The following IQCK variants were observed in gnomAD, a reference collection of about 807,000 sequenced individuals.
IQCK encodes IQ domain-containing protein K.
Under a neutral mutation model 28.1 loss-of-function variants are expected in IQCK, and 29 were observed. The ratio of observed to expected loss-of-function variants is 1.03; its 90% CI spans 0.77 to 1.41. IQCK has a LOEUF of 1.41. Among genes scored for constraint, IQCK ranks in the 40% most tolerant of loss-of-function variants. The pLI, the probability that IQCK is intolerant of heterozygous loss-of-function variation, is 0.00. For synonymous variants in IQCK, 113 were observed against 115.1 expected, an observed-to-expected ratio of 0.98 and a Z score of 0.12; for missense variants, 359 against 314.7, an observed-to-expected ratio of 1.14 and a Z score of -1.07.
chr16:19,761,255 G>A (rs2055137036), intron 4 of IQCK: 15 of 396,730 alleles, frequency 3.8e-5, no homozygotes, highest in South Asian at 2.8e-4. Context: ...TTCCGAAGGG[G>A]TTATACTTCA....
chr16:19,853,446 C>T (rs548546423), intron 9 of IQCK, among the ~76,000 whole-genome samples: 111 of 152,272 alleles, frequency 7.3e-4, no homozygotes, highest in Non-Finnish European at 1.2e-3. Flanking sequence ...GAGTAGGCAA[C>T]AAGGTTGTCA....
At chr16:19,851,448 T>C (rs1310222142) in intron 9 of IQCK, among the ~76,000 whole-genome samples, 1 of 152,180 alleles carries the variant, frequency 6.6e-6, no homozygotes. Context: ...CCAAATTTCC[T>C]GTCTTGAGCT....
At chr16:19,779,767 G>C (rs2055450125) in intron 6 of IQCK, among the ~76,000 whole-genome samples, 1 of 150,746 alleles carries the variant, frequency 6.6e-6, no homozygotes, top group South Asian at 2.1e-4. Context: ...GCCCAGGCTG[G>C]AGTGCAGTGG....
chr16:19,766,346 A>C (rs1261287891), intron 6 of IQCK, among the ~76,000 whole-genome samples: 1 of 152,210 alleles, frequency 6.6e-6, no homozygotes, highest in Non-Finnish European at 1.5e-5. Context: ...ACAAAGCATT[A>C]AAGGGAAGTG....
intron 7 of IQCK, among the ~76,000 whole-genome samples, chr16:19,824,480 G>C (rs141730678): frequency 6.6e-6 from 1 of 152,168 alleles, no homozygotes; most frequent in Admixed American, 6.6e-5. Flanking sequence ...GCCATGGACC[G>C]GTACCAGCAT....
Position 19,775,296 on chromosome 16 carries a change from C to T in IQCK, c.605+11184C>T, listed in dbSNP as rs181986343. On this transcript the variant is annotated intron_variant, in intron 6 of 7. Coordinates refer to ENST00000564186, the Ensembl canonical transcript of IQCK. The stretch of plus-strand genomic sequence containing the variant: ...TCTTGCCACTTTACTCTAGAGGTAA[C>T]GCATAAAATAGGACACATGACTCAG... 2.0e-5 allele frequency among the ~76,000 whole-genome samples: 3 copies of T among 151,228 alleles called. No individual in the cohort carries two copies. In the East Asian group the frequency reaches 5.8e-4, roughly 29 times the overall value.
intron 4 of IQCK, among the ~76,000 whole-genome samples, chr16:19,760,433 T>G (rs1199045161): frequency 6.6e-6 from 1 of 152,212 alleles, no homozygotes; most frequent in Non-Finnish European, 1.5e-5. Context: ...CTCTTCTTCC[T>G]TGTTAATAGA....
intron 6 of IQCK, among the ~76,000 whole-genome samples, chr16:19,768,917 C>T (rs766826764): frequency 7.9e-5 from 12 of 152,234 alleles, no homozygotes; most frequent in Non-Finnish European, 1.5e-4. Flanking sequence ...TTGGTAGCCG[C>T]TTAGCTGGGT....
At chr16:19,846,899 T>C (rs1024911895) in intron 9 of IQCK, among the ~76,000 whole-genome samples, 4 of 152,082 alleles carry the variant, frequency 2.6e-5, no homozygotes, top group African/African-American at 4.8e-5. Context: ...CTCGGTAATA[T>C]ATATAATACA....
intron 4 of IQCK, among the ~76,000 whole-genome samples, chr16:19,750,490 C>G (rs1029088520): frequency 1.4e-5 from 2 of 146,576 alleles, no homozygotes. Flanking sequence ...GAGATGGAGT[C>G]TTGCTCTGTC....
intron 9 of IQCK, among the ~76,000 whole-genome samples, chr16:19,856,187 A>G (rs2056558575): frequency 1.3e-5 from 2 of 152,230 alleles, no homozygotes. Flanking sequence ...CGTCTTTAGT[A>G]AAATTGCCTT....
chr16:19,822,595 C>G (rs1175301391), intron 7 of IQCK, among the ~76,000 whole-genome samples: 1 of 151,886 alleles, frequency 6.6e-6, no homozygotes, highest in Non-Finnish European at 1.5e-5. Flanking sequence ...TAGGAAATAT[C>G]CAGAATAGGC....
At chr16:19,853,986 A>T (rs2056521873) in intron 9 of IQCK, among the ~76,000 whole-genome samples, 1 of 152,206 alleles carries the variant, frequency 6.6e-6, no homozygotes, top group East Asian at 1.9e-4. Flanking sequence ...AGCCAGCATG[A>T]TGTTAATAAG....
intron 1 of IQCK, among the ~76,000 whole-genome samples, chr16:19,721,611 A>G (rs1977497808): frequency 6.7e-6 from 1 of 149,570 alleles, no homozygotes; most frequent in African/African-American, 2.5e-5. Flanking sequence ...TTTGAGATGA[A>G]GTCTGGCTCT....
chr16:19,819,772 G>C (rs1435206718), intron 7 of IQCK: 5 of 152,186 alleles, frequency 3.3e-5, no homozygotes, highest in Non-Finnish European at 7.3e-5. Context: ...CCAGCACTTT[G>C]GGAGGCCACG....
rs1228567872 is a variant in IQCK at position 19,718,439 on chromosome 16, C to T, written c.133C>T (p.Gln45Ter). The T allele has an allele frequency of 6.2e-7, 1 of 1,606,752 alleles. No individual in the cohort carries two copies. The highest frequency in any genetic ancestry group is 8.5e-7 in the Non-Finnish European group (1 of 1,177,822). ...CCGCGAGCTGCCTGTCTCGTCGTGGCAGGTCACCGAGCCGTCAAGCAAGAA... is the reference window on the plus strand; with the variant it reads ...CCGCGAGCTGCCTGTCTCGTCGTGGTAGGTCACCGAGCCGTCAAGCAAGAA... Residue 45 changes from glutamine to a stop codon, truncating the protein, a stop_gained, in exon 1 of 8, where the codon CAG becomes TAG. Transcript: ENST00000564186. LOFTEE classifies it high-confidence loss of function.
chr16:19,726,387 A>C (rs921560679), intron 1 of IQCK, among the ~76,000 whole-genome samples: 4 of 152,250 alleles, frequency 2.6e-5, no homozygotes, highest in African/African-American at 9.6e-5. Flanking sequence ...AAGTGACTGT[A>C]AACTTTTTGG....
At chr16:19,812,710 A>C (rs1368991447) in intron 7 of IQCK, among the ~76,000 whole-genome samples, 1 of 152,240 alleles carries the variant, frequency 6.6e-6, no homozygotes, top group Admixed American at 6.5e-5. Flanking sequence ...CAGTAGATAC[A>C]ATCAACTGGA....
chr16:19,776,089 G>A (rs8045761), intron 6 of IQCK, among the ~76,000 whole-genome samples: 16 of 151,670 alleles, frequency 1.1e-4, no homozygotes, highest in East Asian at 2.0e-4. Context: ...CTATGTTAGC[G>A]AGACTGGTCA....
Sources: allele counts gnomAD v4.1 joint callset (sites outside exome capture counted in the v4.1 genomes callset), GRCh38; gene constraint gnomAD v4.1.1; transcripts MANE v1.5; gene names NCBI Gene and HGNC (gene_info 2026-07-23, HGNC 2026-07-21).